Variants in DRC5 observed in about 807,000 individuals in gnomAD.
DRC5 encodes dynein regulatory complex subunit 5.
the DRC5 span, among the ~76,000 whole-genome samples, chr6:44,289,135 T>G: frequency 6.9e-6 from 1 of 145,190 alleles, no homozygotes. Flanking sequence ...CCTCCAGGGT[T>G]CAAGTGATTC....
the DRC5 span, chr6:44,280,225 T>C: frequency 1.2e-6 from 2 of 1,614,180 alleles, no homozygotes; most frequent in Non-Finnish European, 1.7e-6. Context: ...ATGGTTGACA[T>C]GAAGTGGCTG....
the DRC5 span, among the ~76,000 whole-genome samples, chr6:44,281,829 C>T: frequency 6.6e-6 from 1 of 152,226 alleles, no homozygotes; most frequent in African/African-American, 2.4e-5. Context: ...GGGCAACTCA[C>T]TATCCTCTCT....
At chr6:44,285,990 C>A in the DRC5 span, 1 of 1,613,538 alleles carries the variant, frequency 6.2e-7, no homozygotes, top group South Asian at 1.1e-5. Flanking sequence ...GCCTTGATGG[C>A]GGCTGCCAAG....
chr6:44,286,572 T>A, the DRC5 span: 1 of 1,552,414 alleles, frequency 6.4e-7, no homozygotes, highest in Non-Finnish European at 8.7e-7. Flanking sequence ...GTCACAGTGT[T>A]GGGGGACACC....
the DRC5 span, among the ~76,000 whole-genome samples, chr6:44,283,845 C>A: frequency 2.0e-5 from 3 of 152,194 alleles, no homozygotes; most frequent in African/African-American, 7.2e-5. Context: ...AATTCAGGGG[C>A]CTCCTTGCTG....
the DRC5 span, chr6:44,287,926 A>C: frequency 6.9e-7 from 1 of 1,456,250 alleles, no homozygotes; most frequent in East Asian, 2.4e-5. Flanking sequence ...GATCTGGAGC[A>C]AAAGGAAGAG....
At chr6:44,293,022 C>A in the DRC5 span, among the ~76,000 whole-genome samples, 1 of 152,156 alleles carries the variant, frequency 6.6e-6, no homozygotes, top group Non-Finnish European at 1.5e-5. Flanking sequence ...AAAGGTCCTG[C>A]CCCATTTTGA....
chr6:44,284,238 A>G, the DRC5 span, among the ~76,000 whole-genome samples: 2 of 151,924 alleles, frequency 1.3e-5, no homozygotes, highest in African/African-American at 4.8e-5. Context: ...TCCAGTCCTC[A>G]GCTCTATTCC....
the DRC5 span, chr6:44,286,361 C>A: frequency 6.2e-7 from 1 of 1,614,072 alleles, no homozygotes; most frequent in Non-Finnish European, 8.5e-7. Flanking sequence ...GCGTTTCCAG[C>A]TGCCGCCATG....
the DRC5 span, among the ~76,000 whole-genome samples, chr6:44,290,274 C>G: frequency 6.6e-6 from 1 of 152,188 alleles, no homozygotes; most frequent in Non-Finnish European, 1.5e-5. Flanking sequence ...CTTAACCTAT[C>G]TGAGCTTCAG....
chr6:44,295,224 A>G, the DRC5 span, among the ~76,000 whole-genome samples: 3 of 152,156 alleles, frequency 2.0e-5, no homozygotes, highest in Admixed American at 2.0e-4. Context: ...GGTCAGGGCC[A>G]CCAGGAGTGG....
the DRC5 span, among the ~76,000 whole-genome samples, chr6:44,290,443 C>A: frequency 3.3e-5 from 5 of 152,112 alleles, no homozygotes; most frequent in African/African-American, 1.2e-4. Context: ...GCTGCAGAGA[C>A]CACATCCAGG....
At chr6:44,294,799 A>G in the DRC5 span, among the ~76,000 whole-genome samples, 2 of 149,562 alleles carry the variant, frequency 1.3e-5, no homozygotes, top group African/African-American at 4.9e-5. Flanking sequence ...AAAAAGAAAG[A>G]AAGAAAAAGA....
chr6:44,282,463 A>G, the DRC5 span: 3 of 1,612,952 alleles, frequency 1.9e-6, no homozygotes, highest in East Asian at 6.7e-5. Context: ...AGGTTTTGTG[A>G]CAAGTCCAGC....
chr6:44,295,650 AC>A, the DRC5 span, among the ~76,000 whole-genome samples: 2 of 152,110 alleles, frequency 1.3e-5, no homozygotes, highest in Non-Finnish European at 2.9e-5. Context: ...TGGGAACCAT[AC>A]CCTTGGCTAT....
At chr6:44,288,272 T>C in the DRC5 span, among the ~76,000 whole-genome samples, 1 of 152,194 alleles carries the variant, frequency 6.6e-6, no homozygotes, top group Non-Finnish European at 1.5e-5. Flanking sequence ...TTTTTAGTTC[T>C]TTATGCCTAT....
chr6:44,297,249 G>C, the DRC5 span, among the ~76,000 whole-genome samples: 1 of 152,230 alleles, frequency 6.6e-6, no homozygotes, highest in Non-Finnish European at 1.5e-5. Flanking sequence ...CCGCGGGAGG[G>C]ATTACAGCCC....
At chr6:44,287,641 C>T in the DRC5 span, 97 of 1,614,082 alleles carry the variant, frequency 6.0e-5, no homozygotes, top group Middle Eastern at 1.6e-4. Flanking sequence ...AATGATCCGG[C>T]GCATCCGACG....
chr6:44,294,034 G>A, the DRC5 span, among the ~76,000 whole-genome samples: 2 of 151,728 alleles, frequency 1.3e-5, no homozygotes, highest in African/African-American at 4.8e-5. Flanking sequence ...CCAGGCTGGA[G>A]TGCCATGGCG....
Sources: allele counts gnomAD v4.1 joint callset (sites outside exome capture counted in the v4.1 genomes callset), GRCh38; gene constraint gnomAD v4.1.1; transcripts MANE v1.5; gene names NCBI Gene and HGNC (gene_info 2026-07-23, HGNC 2026-07-21).